NPSR1: variants seen among roughly 807,000 people sequenced by gnomAD.
NPSR1 encodes the protein neuropeptide S receptor 1, also known as neuropeptide S receptor.
A neutral mutation model predicts 46.9 loss-of-function variants in NPSR1; 48 were observed. The ratio of observed to expected loss-of-function variants is 1.02; its 90% CI spans 0.81 to 1.30. NPSR1 has a LOEUF of 1.30. NPSR1 is among the 50% of genes most tolerant of loss of function. The pLI is 0.00. For synonymous variants in NPSR1, 176 were observed against 168.1 expected, an observed-to-expected ratio of 1.05 and a Z score of -0.36; for missense variants, 450 against 449.5, an observed-to-expected ratio of 1.00 and a Z score of -0.01.
Position 34,834,388 on chromosome 7 carries a change from A to C in NPSR1, c.685A>C (p.Met229Leu). The C allele has an allele frequency of 1.9e-6, 3 of 1,612,988 alleles. No individual in the cohort carries two copies. The South Asian group carries it at 3.3e-5, about 18-fold the overall frequency. ...TACCTTTGGTTCTTTCTGCAGCATCATGTATGGCATTGTGATCCGAACTAT... is the reference window on the plus strand; with the variant it reads ...TACCTTTGGTTCTTTCTGCAGCATCCTGTATGGCATTGTGATCCGAACTAT... The part of the protein sequence containing the change: ...YFIPLTIISI[M>L]YGIVIRTIWI... The change falls in exon 6 of 9, where the codon ATG (methionine) becomes CTG (leucine). Residue 229 changes from methionine (M) to leucine (L), a missense_variant. Transcript: ENST00000360581.
chr7:34,798,717 A>G (rs1450862887), intron 3 of NPSR1, among the ~76,000 whole-genome samples: 2 of 152,226 alleles, frequency 1.3e-5, no homozygotes. Context: ...GAGAAACTTC[A>G]TATGGACCAT....
chr7:34,696,901 T>C (rs1224406550), intron 2 of NPSR1, among the ~76,000 whole-genome samples: 1 of 151,878 alleles, frequency 6.6e-6, no homozygotes, highest in Non-Finnish European at 1.5e-5. Flanking sequence ...ATGATAAGAC[T>C]AAGTAAAAGC....
At chr7:34,744,864 T>C (rs529020738) in intron 2 of NPSR1, among the ~76,000 whole-genome samples, 18 of 152,334 alleles carry the variant, frequency 1.2e-4, no homozygotes, top group African/African-American at 3.8e-4. Context: ...ATTCAACCAA[T>C]TGTGAATTGA....
At chr7:34,732,215 G>C (rs888343515) in intron 2 of NPSR1, among the ~76,000 whole-genome samples, 1 of 152,114 alleles carries the variant, frequency 6.6e-6, no homozygotes, top group African/African-American at 2.4e-5. Context: ...TAAAGACAGG[G>C]TTTTTGATGA....
chr7:34,808,565 T>C (rs1472990961), intron 3 of NPSR1, among the ~76,000 whole-genome samples: 1 of 152,232 alleles, frequency 6.6e-6, no homozygotes, highest in Non-Finnish European at 1.5e-5. Flanking sequence ...TTCATGTGTT[T>C]CTAACTTCAT....
chr7:34,742,204 A>C (rs1784978194), intron 2 of NPSR1, among the ~76,000 whole-genome samples: 1 of 151,028 alleles, frequency 6.6e-6, no homozygotes, highest in Middle Eastern at 3.2e-3. Context: ...GTGCATGTGA[A>C]TGTTTGTTAC....
chr7:34,722,295 G>A (rs1002907270), intron 2 of NPSR1, among the ~76,000 whole-genome samples: 1 of 152,138 alleles, frequency 6.6e-6, no homozygotes, highest in African/African-American at 2.4e-5. Flanking sequence ...AAATCCATCC[G>A]TAGGGTAATA....
chr7:34,738,884 C>T (rs1784806966), intron 2 of NPSR1, among the ~76,000 whole-genome samples: 1 of 152,094 alleles, frequency 6.6e-6, no homozygotes, highest in Non-Finnish European at 1.5e-5. Context: ...AACCTCAGAA[C>T]CATTAAACAG....
intron 1 of NPSR1, among the ~76,000 whole-genome samples, chr7:34,673,769 A>G (rs1272422812): frequency 6.6e-6 from 1 of 152,206 alleles, no homozygotes; most frequent in Admixed American, 6.5e-5. Context: ...TAACAACCAC[A>G]TTTATATGTA....
intron 1 of NPSR1, among the ~76,000 whole-genome samples, chr7:34,663,094 G>GT (rs1562634815): frequency 1.1e-4 from 13 of 115,654 alleles, no homozygotes; most frequent in Non-Finnish European, 1.8e-4. Flanking sequence ...TGTGTGTGTG[G>GT]CGGGGGGGAG....
chr7:34,756,567 G>A (rs1419476937), intron 2 of NPSR1, among the ~76,000 whole-genome samples: 1 of 152,236 alleles, frequency 6.6e-6, no homozygotes, highest in Non-Finnish European at 1.5e-5. Context: ...AAGCAGCCAT[G>A]AGCAAACAGG....
intron 2 of NPSR1, chr7:34,750,142 TC>T: frequency 3.3e-6 from 1 of 305,622 alleles, no homozygotes; most frequent in South Asian, 4.3e-5. Context: ...TTTTTTTTTT[TC>T]AAAAAAGGAG....
At chr7:34,798,892 T>C (rs1788327725) in intron 3 of NPSR1, among the ~76,000 whole-genome samples, 1 of 151,962 alleles carries the variant, frequency 6.6e-6, no homozygotes, top group African/African-American at 2.4e-5. Flanking sequence ...GAAGAAGATA[T>C]CTCAAGAAAT....
chr7:34,745,394 C>T (rs1251093432), intron 2 of NPSR1, among the ~76,000 whole-genome samples: 3 of 152,094 alleles, frequency 2.0e-5, no homozygotes, highest in Non-Finnish European at 4.4e-5. Flanking sequence ...GAGATTCTAA[C>T]TTTATTACAA....
chr7:34,697,552 C>T (rs578019261), intron 2 of NPSR1, among the ~76,000 whole-genome samples: 1 of 151,974 alleles, frequency 6.6e-6, no homozygotes, highest in African/African-American at 2.4e-5. Flanking sequence ...TGCATATAAC[C>T]TACATACACC....
intron 2 of NPSR1, among the ~76,000 whole-genome samples, chr7:34,753,203 T>C (rs1417305414): frequency 6.6e-6 from 1 of 152,054 alleles, no homozygotes; most frequent in African/African-American, 2.4e-5. Flanking sequence ...CCTTAGAGGA[T>C]GACTAACATT....
At chr7:34,677,908 A>G (rs1420890390) in intron 1 of NPSR1, among the ~76,000 whole-genome samples, 1 of 152,200 alleles carries the variant, frequency 6.6e-6, no homozygotes, top group Non-Finnish European at 1.5e-5. Context: ...GAGGCCATGG[A>G]TGGTGCCAGT....
At chr7:34,839,100 A>C (rs1790481643) in intron 6 of NPSR1, among the ~76,000 whole-genome samples, 3 of 152,258 alleles carry the variant, frequency 2.0e-5, no homozygotes, top group Admixed American at 6.5e-5. Context: ...ACTGCTGTCC[A>C]TATCAGCTTC....
rs144403246 is a variant in NPSR1, at chr7:34,710,118, G to T, written c.280+25434G>T. Among the ~76,000 whole-genome samples the T allele has an allele frequency of 5.8e-3, 885 of 152,308 alleles. 8 individuals are homozygous for T. The highest frequency in any genetic ancestry group is 8.8e-3 in the Non-Finnish European group (597 of 68,028). On this transcript the variant is annotated intron_variant, in intron 2 of 8. Coordinates refer to ENST00000360581, the MANE Select transcript of NPSR1 (RefSeq NM_207172.2). Reference sequence around the variant, plus strand: ...GTTGACCTTAGGAACTCAAGCCATAGCTTCCACGATTTTCAATCCCTGATC... The same window carrying T: ...GTTGACCTTAGGAACTCAAGCCATATCTTCCACGATTTTCAATCCCTGATC...
Sources: gnomAD v4.1 joint callset for allele counts (sites outside exome capture counted in the v4.1 genomes callset) on GRCh38, gnomAD v4.1.1 for gene constraint, MANE v1.5 for transcripts, NCBI Gene and HGNC (gene_info 2026-07-23, HGNC 2026-07-21) for gene names.